The following MIPOL1 variants were observed in gnomAD, a reference collection of about 807,000 sequenced individuals.
MIPOL1 encodes the protein mirror-image polydactyly 1.
Under a neutral mutation model 60.9 loss-of-function variants are expected in MIPOL1, and 57 were observed. That is an observed-to-expected ratio of 0.94 (90% confidence interval 0.76 to 1.17). The LOEUF (loss-of-function observed/expected upper bound fraction) is 1.17. Among genes scored for constraint, MIPOL1 ranks in the 50% most tolerant of loss-of-function variants. The pLI is 0.00. For synonymous variants in MIPOL1, 179 were observed against 168.8 expected, an observed-to-expected ratio of 1.06 and a Z score of -0.47; for missense variants, 551 against 511.6, an observed-to-expected ratio of 1.08 and a Z score of -0.74.
At chr14:37,470,759 A>G (rs1304741433) in intron 11 of MIPOL1, among the ~76,000 whole-genome samples, 1 of 152,294 alleles carries the variant, frequency 6.6e-6, no homozygotes, top group East Asian at 1.9e-4. Flanking sequence ...GGTTGAGTAG[A>G]GGACGAGAAG....
chr14:37,513,978 G>A (rs2095349543), intron 12 of MIPOL1, among the ~76,000 whole-genome samples: 1 of 152,144 alleles, frequency 6.6e-6, no homozygotes, highest in Non-Finnish European at 1.5e-5. Context: ...CAGTACTACA[G>A]TGATTTTAAA....
intron 1 of MIPOL1, among the ~76,000 whole-genome samples, chr14:37,244,652 G>A (rs935303589): frequency 3.3e-5 from 5 of 151,582 alleles, no homozygotes; most frequent in South Asian, 4.2e-4. Context: ...TAGTAATAAC[G>A]TAATCTTTAT....
chr14:37,466,806 A>G (rs1476228802), intron 11 of MIPOL1, among the ~76,000 whole-genome samples: 1 of 152,222 alleles, frequency 6.6e-6, no homozygotes, highest in Admixed American at 6.5e-5. Context: ...TTGCTGCTGG[A>G]CTTTAGAACT....
chr14:37,376,075 A>C (rs1257593399), intron 10 of MIPOL1, among the ~76,000 whole-genome samples: 1 of 152,142 alleles, frequency 6.6e-6, no homozygotes, highest in African/African-American at 2.4e-5. Flanking sequence ...AAATTGTAAA[A>C]CACAGAGTTT....
At chr14:37,241,184 G>T (rs1157157452) in intron 1 of MIPOL1, among the ~76,000 whole-genome samples, 2 of 152,100 alleles carry the variant, frequency 1.3e-5, no homozygotes, top group African/African-American at 4.8e-5. Context: ...AGGCAGTAAA[G>T]GACTGATGTC....
intron 7 of MIPOL1, 24 bp from the exon 8 acceptor site, chr14:37,308,032 G>C: frequency 1.2e-6 from 2 of 1,606,458 alleles, no homozygotes; most frequent in Non-Finnish European, 1.7e-6. Context: ...TACTGATCAG[G>C]CTTTCTGTGT....
chr14:37,543,901 T>A lies in MIPOL1; in HGVS notation c.1263-3004T>A, dbSNP rs527311785. 5.8e-4 allele frequency among the ~76,000 whole-genome samples: 89 copies of A among 152,314 alleles called. 1 individual carries two copies. The highest frequency in any genetic ancestry group is 2.1e-3 in the African/African-American group (89 of 41,580). The stretch of plus-strand genomic sequence containing the variant: ...AATTGAAGTAAATAAAAAAATACAA[T>A]ATACCAAGTTTTTCTTAAATATTTT... On this transcript the variant is annotated intron_variant, in intron 12 of 12. Coordinates refer to ENST00000684589, the MANE Select transcript of MIPOL1 (RefSeq NM_001388067.1).
At chr14:37,428,002 C>A (rs1460049637) in intron 11 of MIPOL1, among the ~76,000 whole-genome samples, 2 of 151,968 alleles carry the variant, frequency 1.3e-5, no homozygotes, top group East Asian at 3.9e-4. Context: ...TTACAGCTAT[C>A]CAAATCAGTT....
chr14:37,279,684 A>T (rs8019384), intron 6 of MIPOL1, among the ~76,000 whole-genome samples: 2 of 151,982 alleles, frequency 1.3e-5, no homozygotes, highest in African/African-American at 4.8e-5. Flanking sequence ...ATGATTTGCA[A>T]ATTTATGAAG....
chr14:37,401,477 A>AT (rs1206001757), intron 10 of MIPOL1: 1 of 152,082 alleles, frequency 6.6e-6, no homozygotes, highest in African/African-American at 2.4e-5. Flanking sequence ...TATAGAGCTG[A>AT]TTATTTACAA....
In MIPOL1 at chr14:37,267,029, T is replaced by A. The variant is rs1357131273; in HGVS notation, c.111T>A (p.Ser37Arg). The change falls in exon 4 of 13, where the codon AGT becomes AGA. Residue 37 changes from serine to arginine, a missense_variant. Coordinates refer to ENST00000684589, the MANE Select transcript of MIPOL1 (RefSeq NM_001388067.1). ...AACTGACTATGAATTCTGAGAAAAG[T>A]ATGCATCGGAAATCCACTGAATTAG... ...DEQLTMNSEK[S>R]MHRKSTELVN... 6 of 1,613,824 alleles carry A rather than the reference T, an allele frequency of 3.7e-6. No individual in the cohort carries two copies. Among genetic ancestry groups the A allele is most frequent in the Non-Finnish European group, 5.1e-6 (6 of 1,179,944 alleles).
At chr14:37,381,381 T>C (rs140534363) in intron 10 of MIPOL1, among the ~76,000 whole-genome samples, 246 of 152,206 alleles carry the variant, frequency 1.6e-3, no homozygotes, top group African/African-American at 4.8e-3. Flanking sequence ...CGTATTACAA[T>C]GGCCAAAAGG....
intron 7 of MIPOL1, among the ~76,000 whole-genome samples, chr14:37,300,053 T>C (rs1201993453): frequency 6.6e-6 from 1 of 151,972 alleles, no homozygotes; most frequent in Non-Finnish European, 1.5e-5. Flanking sequence ...TTTCCTTATG[T>C]CATTTGAAGG....
intron 12 of MIPOL1, among the ~76,000 whole-genome samples, chr14:37,525,647 G>A (rs1178833305): frequency 6.6e-6 from 1 of 152,156 alleles, no homozygotes; most frequent in African/African-American, 2.4e-5. Context: ...GTTCCCGGAA[G>A]CAGCCTATAA....
intron 9 of MIPOL1, among the ~76,000 whole-genome samples, chr14:37,314,566 C>T (rs981667594): frequency 6.6e-6 from 1 of 152,150 alleles, no homozygotes; most frequent in Non-Finnish European, 1.5e-5. Context: ...GCTCACTTGT[C>T]TGCATTATAC....
At position 37,407,873 on chromosome 14, in the gene MIPOL1, A is replaced by G. The variant is rs180708417; in HGVS notation, c.937-14982A>G. ...TTTTTTTTTTTTTTTTTTTGGAGACAAGGTCTCACTCTGTCACTCAGGCTG... is the reference window on the plus strand; with the variant it reads ...TTTTTTTTTTTTTTTTTTTGGAGACGAGGTCTCACTCTGTCACTCAGGCTG... On this transcript the variant is annotated intron_variant, in intron 10 of 12. Transcript: ENST00000684589. 2.9e-4 allele frequency among the ~76,000 whole-genome samples: 20 copies of G among 70,090 alleles called. No homozygotes were observed. The East Asian group carries it at 6.9e-3, about 24-fold the overall frequency. The allele number at this position is 70,090 out of a possible 152,430, so 46.0% of individuals were successfully genotyped here.
At chr14:37,518,975 C>T (rs557346955) in intron 12 of MIPOL1, among the ~76,000 whole-genome samples, 18 of 152,060 alleles carry the variant, frequency 1.2e-4, no homozygotes, top group African/African-American at 4.1e-4. Context: ...AGTCTACAAA[C>T]GTACTCAAAA....
At chr14:37,230,966 T>C (rs576233485) in intron 1 of MIPOL1, among the ~76,000 whole-genome samples, 1 of 152,308 alleles carries the variant, frequency 6.6e-6, no homozygotes, top group East Asian at 1.9e-4. Flanking sequence ...TCTATCTATA[T>C]GTTATTTTCC....
chr14:37,293,760 TG>T (rs2085329067), intron 7 of MIPOL1, among the ~76,000 whole-genome samples: 1 of 151,956 alleles, frequency 6.6e-6, no homozygotes, highest in Non-Finnish European at 1.5e-5. Context: ...GAGGCTTTGG[TG>T]GGGGGTGCCC....
Sources: gnomAD v4.1 joint callset for allele counts (sites outside exome capture counted in the v4.1 genomes callset) on GRCh38, gnomAD v4.1.1 for gene constraint, MANE v1.5 for transcripts, NCBI Gene and HGNC (gene_info 2026-07-23, HGNC 2026-07-21) for gene names.